The following ZNF214 variants were observed in gnomAD, a reference collection of about 807,000 sequenced individuals.
ZNF214 encodes BWSCR2-associated zinc finger protein 1.
ZNF214 carries 43 observed loss-of-function variants against 53.9 expected under a neutral mutation model. That is an observed-to-expected ratio of 0.80 (90% confidence interval 0.63 to 1.03). ZNF214 has a LOEUF of 1.03. ZNF214 is among the 50% of genes least tolerant of loss of function. The probability of loss-of-function intolerance (pLI) is 0.00; values close to 1 mark genes in which losing one functional copy is unlikely to be tolerated. For missense variants in ZNF214, 724 were observed against 719.1 expected, an observed-to-expected ratio of 1.01 and a Z score of -0.08; for synonymous variants, 217 against 229.5, an observed-to-expected ratio of 0.95 and a Z score of 0.49.
chr11:7,004,429 T>C (rs1851428588), intron 1 of ZNF214, among the ~76,000 whole-genome samples: 1 of 152,066 alleles, frequency 6.6e-6, no homozygotes, highest in Non-Finnish European at 1.5e-5. Context: ...ACCTGTCTTA[T>C]TTGTGATAAT....
At chr11:7,011,288 CTAAT>C (rs1189164913) in intron 1 of ZNF214, among the ~76,000 whole-genome samples, 1 of 151,832 alleles carries the variant, frequency 6.6e-6, no homozygotes, top group East Asian at 1.9e-4. Context: ...AAAATATTAG[CTAAT>C]TAAATTCAGT....
intron 1 of ZNF214, among the ~76,000 whole-genome samples, chr11:7,014,436 G>A (rs1851698595): frequency 6.6e-6 from 1 of 152,152 alleles, no homozygotes; most frequent in African/African-American, 2.4e-5. Context: ...AATCAACATC[G>A]ATGCACTGTA....
At chr11:7,002,632 C>T in intron 2 of ZNF214, 77 bp downstream of exon 2, 6 of 1,414,044 alleles carry the variant, frequency 4.2e-6, no homozygotes, top group Non-Finnish European at 4.7e-6. Context: ...AATATAACAC[C>T]CAGATAAAAA....
At chr11:7,009,840 G>C (rs1851563636) in intron 1 of ZNF214, among the ~76,000 whole-genome samples, 1 of 152,018 alleles carries the variant, frequency 6.6e-6, no homozygotes, top group African/African-American at 2.4e-5. Context: ...CTAATCATCA[G>C]ATAAAGGCAA....
chr11:7,001,440 C>G lies in ZNF214; in HGVS notation c.243G>C (p.Gln81His), dbSNP rs774201666. ...TCCCTTGAACAGTTTCCCCATAGTT[C>G]TGATTCTCATACATCTGGGCGCCAG... is the stretch of plus-strand genomic sequence containing the variant. ...WNAGAQMYEN[Q>H]NYGETVQGTD... The change falls in exon 3 of 3, where the codon CAG becomes CAC. Residue 81 changes from glutamine (Q) to histidine (H), a missense_variant. Physicochemically the swap from Gln to His is conservative, Grantham distance 24 (BLOSUM62 0). Transcript: ENST00000278314. The G allele has an allele frequency of 6.2e-6, 10 of 1,613,070 alleles. No homozygotes were observed. In the Admixed American group the frequency reaches 1.5e-4, roughly 24 times the overall value.
chr11:6,997,332 C>T lies in ZNF214; in HGVS notation c.*2530G>A, dbSNP rs1410144399. Among the ~76,000 whole-genome samples the T allele has an allele frequency of 6.6e-6, 1 of 151,804 alleles. No homozygotes were observed. The highest frequency in any genetic ancestry group is 1.5e-5 in the Non-Finnish European group (1 of 67,834). ...TCACATTTAAGCAATATCACATTTTCATCTGTTATAGCACATAATTAGAAA... is the reference window on the plus strand; with the variant it reads ...TCACATTTAAGCAATATCACATTTTTATCTGTTATAGCACATAATTAGAAA... On this transcript the variant is annotated 3_prime_UTR_variant, in exon 3 of 3. Transcript: ENST00000278314.
intron 1 of ZNF214, among the ~76,000 whole-genome samples, chr11:7,014,142 C>T (rs1202218736): frequency 6.6e-6 from 1 of 152,108 alleles, no homozygotes; most frequent in Non-Finnish European, 1.5e-5. Context: ...TGCAATTAGA[C>T]AAAATTATCT....
chr11:7,016,542 G>A lies in ZNF214; in HGVS notation c.-21+3531C>T, dbSNP rs78768268. On this transcript the variant is annotated intron_variant, in intron 1 of 2. Coordinates refer to ENST00000278314, the MANE Select transcript of ZNF214 (RefSeq NM_013249.4). ...GAAATGCTACATTCTTCTTCATTGC[G>A]TATTAAATGCACTACATATAAAGGG... Among the ~76,000 whole-genome samples the A allele has an allele frequency of 3.5e-3, 530 of 152,078 alleles. 6 individuals carry two copies. Among genetic ancestry groups the A allele is most frequent in the African/African-American group, 0.012 (510 of 41,482 alleles).
rs140166327 is a variant in ZNF214, at chr11:7,001,065, T to C, written c.618A>G (p.Gln206=). The change falls in exon 3 of 3, where the codon CAA becomes CAG. Residue 206 remains glutamine (Q), a synonymous_variant. Transcript: ENST00000278314. The stretch of plus-strand genomic sequence containing the variant: ...CCATTGAATCTCTCAGTAGGTCTTC[T>C]TGACATATCACCCCAACATACTGTG... ...ALPQYVGVIC[Q]EDLLRDSMEE... 3 of 1,613,352 alleles carry C rather than the reference T, an allele frequency of 1.9e-6. No individual in the cohort carries two copies. In the East Asian group the frequency reaches 6.7e-5, roughly 36 times the overall value.
intron 1 of ZNF214, chr11:7,015,895 A>G (rs895452775): frequency 5.9e-5 from 9 of 152,202 alleles, no homozygotes; most frequent in Non-Finnish European, 1.0e-4. Context: ...GAGAAGATCA[A>G]TGGAAACGGG....
chr11:7,018,773 A>T (rs1391904906), intron 1 of ZNF214, among the ~76,000 whole-genome samples: 2 of 152,116 alleles, frequency 1.3e-5, no homozygotes, highest in Non-Finnish European at 2.9e-5. Context: ...AAGTGCTGGG[A>T]TTACAGGCGT....
chr11:7,013,359 G>A (rs61060846), intron 1 of ZNF214, among the ~76,000 whole-genome samples: 6,408 of 152,282 alleles, frequency 0.042, 453 homozygotes, highest in African/African-American at 0.14. Context: ...GCTGAGTGTT[G>A]TGAAGGAAAC....
In ZNF214 at chr11:7,015,134, C is replaced by CA. The variant is rs1375007456; in HGVS notation, c.-21+4938dup. Among the ~76,000 whole-genome samples the CA allele has an allele frequency of 8.3e-4, 122 of 147,776 alleles. 1 individual carries two copies. Among genetic ancestry groups the CA allele is most frequent in the African/African-American group, 2.9e-3 (115 of 40,216 alleles). On this transcript the variant is annotated intron_variant, in intron 1 of 2. Transcript: ENST00000278314. ...TGAGACAGAGTCTCGCTCTGTTGCCCACGCTGGAGTGCGGTGGCATGATCT... is the reference window on the plus strand; with the variant it reads ...TGAGACAGAGTCTCGCTCTGTTGCCCAACGCTGGAGTGCGGTGGCATGATCT...
intron 1 of ZNF214, among the ~76,000 whole-genome samples, chr11:7,015,068 G>A (rs1164982107): frequency 7.3e-6 from 1 of 137,244 alleles, no homozygotes; most frequent in East Asian, 2.0e-4. Flanking sequence ...AAAGAGTTCA[G>A]ACATATAAAT....
At chr11:7,002,417 T>A (rs1324926039) in intron 2 of ZNF214, among the ~76,000 whole-genome samples, 1 of 151,898 alleles carries the variant, frequency 6.6e-6, no homozygotes, top group Non-Finnish European at 1.5e-5. Flanking sequence ...ACAAATAGCA[T>A]GAAGAGAGAA....
At chr11:7,002,898 G>A in intron 1 of ZNF214, 43 bp from the exon 2 acceptor site, 1 of 1,503,188 alleles carries the variant, frequency 6.7e-7, no homozygotes, top group Non-Finnish European at 8.8e-7. Context: ...CAAAGATAAA[G>A]ACATTTAGCA....
intron 1 of ZNF214, among the ~76,000 whole-genome samples, chr11:7,005,034 G>A (rs1335393085): frequency 2.0e-5 from 3 of 151,960 alleles, no homozygotes; most frequent in Non-Finnish European, 4.4e-5. Context: ...ATTAATGGAC[G>A]TTAAGATCAT....
intron 1 of ZNF214, among the ~76,000 whole-genome samples, chr11:7,004,812 A>G (rs1445633021): frequency 1.3e-5 from 2 of 152,246 alleles, no homozygotes; most frequent in Non-Finnish European, 2.9e-5. Context: ...TCAGATGACT[A>G]CAGTCCCTGC....
chr11:7,008,997 C>G (rs530728662), intron 1 of ZNF214, among the ~76,000 whole-genome samples: 52 of 152,022 alleles, frequency 3.4e-4, no homozygotes, highest in African/African-American at 1.2e-3. Context: ...ATCAAAATGG[C>G]CATACTGAAG....
Sources: allele counts gnomAD v4.1 joint callset (sites outside exome capture counted in the v4.1 genomes callset), GRCh38; gene constraint gnomAD v4.1.1; transcripts MANE v1.5; gene names NCBI Gene and HGNC (gene_info 2026-07-23, HGNC 2026-07-21).